The following CRPPA variants were observed in gnomAD, a reference collection of about 807,000 sequenced individuals.
The protein encoded by CRPPA is D-ribitol-5-phosphate cytidylyltransferase.
CRPPA carries 43 observed loss-of-function variants against 52.0 expected under a neutral mutation model. The ratio of observed to expected loss-of-function variants is 0.83; its 90% CI spans 0.65 to 1.07. The LOEUF is 1.07. Among genes scored for constraint, CRPPA ranks in the 50% least tolerant of loss-of-function variants. The pLI is 0.00. For missense variants in CRPPA, 629 were observed against 551.7 expected, an observed-to-expected ratio of 1.14 and a Z score of -1.40; for synonymous variants, 250 against 203.5, an observed-to-expected ratio of 1.23 and a Z score of -1.94.
chr7:16,213,121 C>T (rs1028089058), intron 9 of CRPPA, among the ~76,000 whole-genome samples: 1 of 152,148 alleles, frequency 6.6e-6, no homozygotes, highest in Admixed American at 6.5e-5. Context: ...AGACTACACA[C>T]TCTAAGCTAT....
At chr7:16,174,923 C>T (rs1322509840) in intron 9 of CRPPA, among the ~76,000 whole-genome samples, 1 of 152,134 alleles carries the variant, frequency 6.6e-6, no homozygotes, top group Non-Finnish European at 1.5e-5. Context: ...AACCACTAAC[C>T]TGCAGATATT....
At chr7:16,291,019 T>C (rs182621260) in intron 5 of CRPPA, among the ~76,000 whole-genome samples, 1 of 152,036 alleles carries the variant, frequency 6.6e-6, no homozygotes, top group African/African-American at 2.4e-5. Context: ...AACAGGTATA[T>C]TAAAACAAAT....
At chr7:16,196,346 T>C (rs1373311519) in intron 9 of CRPPA, among the ~76,000 whole-genome samples, 2 of 152,130 alleles carry the variant, frequency 1.3e-5, no homozygotes. Context: ...TAAGAGTTTA[T>C]ACAAAAGTGC....
intron 6 of CRPPA, 61 bp downstream of exon 6, chr7:16,278,068 C>T (rs1221352107): frequency 2.4e-6 from 2 of 825,962 alleles, no homozygotes; most frequent in African/African-American, 3.5e-5. Context: ...AGAAAGATAT[C>T]TTTATACTAT....
chr7:16,173,918 A>G (rs1781242806), intron 9 of CRPPA, among the ~76,000 whole-genome samples: 2 of 152,316 alleles, frequency 1.3e-5, no homozygotes, highest in Middle Eastern at 3.4e-3. Flanking sequence ...TGGCATTGAA[A>G]TAAGTAGCTT....
Position 16,222,445 on chromosome 7 carries a change from T to TA in CRPPA, c.1120-6249dup, listed in dbSNP as rs1243310950. ...TGTACCCTAAAACTTAAAGTATAAT[T>TA]AAAAAAAAAAAAGAAAAAAAGAAAA... is the stretch of plus-strand genomic sequence containing the variant. On this transcript the variant is annotated intron_variant, in intron 8 of 9. Transcript: ENST00000407010. Among the ~76,000 whole-genome samples, 557 of 140,174 alleles carry TA rather than the reference T, an allele frequency of 4.0e-3. 4 individuals are homozygous for TA. Among genetic ancestry groups the TA allele is most frequent in the African/African-American group, 0.012 (467 of 38,806 alleles). 92.0% of individuals were successfully genotyped at this position (140,174 alleles called of 152,430 possible).
At chr7:16,266,975 A>C (rs2128414972) in intron 6 of CRPPA, among the ~76,000 whole-genome samples, 1 of 152,356 alleles carries the variant, frequency 6.6e-6, no homozygotes, top group Non-Finnish European at 1.5e-5. Flanking sequence ...TATTAGTGGA[A>C]ATCACTAATG....
intron 8 of CRPPA, among the ~76,000 whole-genome samples, chr7:16,241,802 T>C (rs993298360): frequency 6.6e-6 from 1 of 152,130 alleles, no homozygotes; most frequent in African/African-American, 2.4e-5. Context: ...AAAACACATA[T>C]AGTTCGTTTT....
chr7:16,282,357 G>A lies in CRPPA; in HGVS notation c.836-4131C>T, dbSNP rs114669021. Among the ~76,000 whole-genome samples, 959 of 152,076 alleles carry A rather than the reference G, an allele frequency of 6.3e-3. 11 individuals are homozygous for A. Among genetic ancestry groups the A allele is most frequent in the African/African-American group, 0.022 (916 of 41,516 alleles). On this transcript the variant is annotated intron_variant, in intron 5 of 9. Coordinates refer to ENST00000407010, the MANE Select transcript of CRPPA (RefSeq NM_001101426.4). ...TCTTATTTCCTCTATGGATTATGTA[G>A]AATTTTATTGTTTTTATTAGAATGC...
At chr7:16,240,572 TACACACACACAC>T (rs71549978) in intron 8 of CRPPA, among the ~76,000 whole-genome samples, 1 of 148,016 alleles carries the variant, frequency 6.8e-6, no homozygotes. Flanking sequence ...TTATTACACA[TACACACACACAC>T]ACACACACAC....
intron 3 of CRPPA, among the ~76,000 whole-genome samples, chr7:16,319,148 C>A (rs1785205211): frequency 6.6e-6 from 1 of 152,076 alleles, no homozygotes; most frequent in Non-Finnish European, 1.5e-5. Flanking sequence ...AAATTTGTTT[C>A]CTATACAACT....
At chr7:16,182,275 T>C (rs893604723) in intron 9 of CRPPA, among the ~76,000 whole-genome samples, 1 of 151,914 alleles carries the variant, frequency 6.6e-6, no homozygotes, top group African/African-American at 2.4e-5. Context: ...ATTTTACTAA[T>C]AATTTTAATT....
intron 9 of CRPPA, among the ~76,000 whole-genome samples, chr7:16,166,036 A>G (rs758649414): frequency 6.6e-6 from 1 of 152,194 alleles, no homozygotes; most frequent in Non-Finnish European, 1.5e-5. Flanking sequence ...AAACATGAAC[A>G]TTTTATGGCT....
intron 2 of CRPPA, among the ~76,000 whole-genome samples, chr7:16,400,940 A>G (rs904534764): frequency 6.6e-6 from 1 of 152,212 alleles, no homozygotes; most frequent in African/African-American, 2.4e-5. Context: ...CCTTGTCTCC[A>G]TGGAATCAGG....
chr7:16,266,967 T>C (rs927556353), intron 6 of CRPPA, among the ~76,000 whole-genome samples: 3 of 152,220 alleles, frequency 2.0e-5, no homozygotes, highest in Admixed American at 2.0e-4. Context: ...TCTGTAACTA[T>C]TAGTGGAAAT....
chr7:16,212,336 T>C (rs1782171507), intron 9 of CRPPA, among the ~76,000 whole-genome samples: 1 of 152,188 alleles, frequency 6.6e-6, no homozygotes, highest in South Asian at 2.1e-4. Flanking sequence ...GTAAGTGAAA[T>C]GACAGTTTAG....
chr7:16,397,021 T>C (rs1051135076), intron 2 of CRPPA, among the ~76,000 whole-genome samples: 14 of 150,352 alleles, frequency 9.3e-5, no homozygotes, highest in Non-Finnish European at 1.6e-4. Context: ...GTGTGAAACA[T>C]GTGCCAGAAC....
At chr7:16,324,002 G>T (rs751723728) in intron 3 of CRPPA, among the ~76,000 whole-genome samples, 1 of 152,160 alleles carries the variant, frequency 6.6e-6, no homozygotes, top group Admixed American at 6.5e-5. Context: ...TCAGTAACAC[G>T]GATGCAAATA....
chr7:16,373,032 T>C (rs191154732), intron 3 of CRPPA, among the ~76,000 whole-genome samples: 12 of 152,318 alleles, frequency 7.9e-5, no homozygotes, highest in Admixed American at 1.3e-4. Flanking sequence ...TGGTGGCTCA[T>C]GCCTGTAATC....
Sources: gnomAD v4.1 joint callset for allele counts (sites outside exome capture counted in the v4.1 genomes callset) on GRCh38, gnomAD v4.1.1 for gene constraint, MANE v1.5 for transcripts, NCBI Gene and HGNC (gene_info 2026-07-23, HGNC 2026-07-21) for gene names.